NPLOC4: variants seen among roughly 807,000 people sequenced by gnomAD.
NPLOC4 encodes the protein NPL4 homolog, ubiquitin recognition factor, also known as nuclear protein localization protein 4 homolog.
NPLOC4 carries 18 observed loss-of-function variants against 80.6 expected under a neutral mutation model. That is an observed-to-expected ratio of 0.22 (90% confidence interval 0.15 to 0.33). The LOEUF (loss-of-function observed/expected upper bound fraction) is 0.33. Among genes scored for constraint, NPLOC4 ranks in the 10% least tolerant of loss-of-function variants. The pLI is 1.00. For missense variants in NPLOC4, 540 were observed against 786.1 expected (o/e 0.69, Z 3.74); for synonymous variants, 313 against 301.5 (o/e 1.04, Z -0.39).
intron 1 of NPLOC4, among the ~76,000 whole-genome samples, chr17:81,634,006 G>A (rs2036001222): frequency 6.6e-6 from 1 of 151,936 alleles, no homozygotes; most frequent in African/African-American, 2.4e-5. Context: ...TGGGACTACA[G>A]GTGCACGCCA....
At chr17:81,591,074 A>G (rs1374726048) in intron 11 of NPLOC4, among the ~76,000 whole-genome samples, 2 of 152,128 alleles carry the variant, frequency 1.3e-5, no homozygotes, top group African/African-American at 4.8e-5. Flanking sequence ...GCTCAGAGGG[A>G]GCAGAGGCAA....
intron 16 of NPLOC4, chr17:81,564,130 G>T (rs1409751511): frequency 8.6e-6 from 2 of 233,866 alleles, no homozygotes; most frequent in Admixed American, 7.0e-5. Flanking sequence ...AGAGCAGGGC[G>T]GGCTGAAAAA....
At chr17:81,631,846 C>A (rs547974275) in intron 1 of NPLOC4, among the ~76,000 whole-genome samples, 1 of 152,056 alleles carries the variant, frequency 6.6e-6, no homozygotes, top group African/African-American at 2.4e-5. Flanking sequence ...GTGGCCCAGG[C>A]TGGAGTACAA....
rs1419196604 is a variant in NPLOC4 at position 81,623,627 on chromosome 17, T to C, written c.97-1349A>G. 2.0e-5 allele frequency among the ~76,000 whole-genome samples: 3 copies of C among 150,806 alleles called. No individual in the cohort carries two copies. The East Asian group carries it at 5.9e-4, about 30-fold the overall frequency. ...TCCTGGCTAACACGGTGAAACCCCG[T>C]CTCTACTAAAAATACAAAAAATTAG... is the stretch of plus-strand genomic sequence containing the variant. On this transcript the variant is annotated intron_variant, in intron 2 of 16. Coordinates refer to ENST00000331134, the MANE Select transcript of NPLOC4 (RefSeq NM_017921.4).
In NPLOC4 at chr17:81,629,712, AG is replaced by A; in HGVS notation, c.96+12del. On this transcript the variant is annotated intron_variant, in intron 2 of 16. Transcript: ENST00000331134. ...AAAAATATCCTGAGGGTCAATACCC[AG>A]GCCACAGATACCTTTTTCAAAAATG... The A allele has an allele frequency of 6.3e-7, 1 of 1,596,870 alleles. No individual in the cohort carries two copies. The highest frequency in any genetic ancestry group is 8.6e-7 in the Non-Finnish European group (1 of 1,164,394).
chr17:81,612,273 T>A (rs576846081), intron 4 of NPLOC4, among the ~76,000 whole-genome samples: 6 of 152,152 alleles, frequency 3.9e-5, no homozygotes, highest in Non-Finnish European at 8.8e-5. Context: ...TACATGCGTA[T>A]GAGCCCTGTG....
chr17:81,568,132 T>TG (rs2034062895), intron 14 of NPLOC4: 1 of 137,560 alleles, frequency 7.3e-6, no homozygotes, highest in Non-Finnish European at 1.5e-5. Context: ...GACACAAACA[T>TG]GGAAATGCGC....
chr17:81,588,496 G>A (rs1170381377), intron 12 of NPLOC4, among the ~76,000 whole-genome samples: 2 of 152,120 alleles, frequency 1.3e-5, no homozygotes, highest in African/African-American at 2.4e-5. Context: ...TGAGTAGCTG[G>A]GACTACAGTT....
At chr17:81,633,855 G>A (rs146156256) in intron 1 of NPLOC4, among the ~76,000 whole-genome samples, 539 of 148,684 alleles carry the variant, frequency 3.6e-3, no homozygotes, top group African/African-American at 0.013. Flanking sequence ...ATAGGCGCCC[G>A]CCACCGCGCC....
intron 2 of NPLOC4, among the ~76,000 whole-genome samples, chr17:81,628,165 C>A (rs1248318651): frequency 6.7e-5 from 10 of 150,334 alleles, no homozygotes; most frequent in Non-Finnish European, 3.0e-5. Flanking sequence ...GAGCCAAGAT[C>A]ATGCCACTGC....
chr17:81,611,959 CAA>C (rs11401963), intron 4 of NPLOC4, among the ~76,000 whole-genome samples: 8,814 of 104,158 alleles, frequency 0.085, 348 homozygotes, highest in East Asian at 0.34. Context: ...GAGTCCATCT[CAA>C]AAAAAAAAAA....
Position 81,621,072 on chromosome 17 carries a change from T to G in NPLOC4, c.209+1094A>C, listed in dbSNP as rs151163905. On this transcript the variant is annotated intron_variant, in intron 3 of 16. Coordinates refer to ENST00000331134, the MANE Select transcript of NPLOC4 (RefSeq NM_017921.4). ...AAAAGAAAGGAAGGAAGGAAGGAAG[T>G]ATCAAGATGCAAAACCCTTCAAGAA... is the stretch of plus-strand genomic sequence containing the variant. 1.1e-4 allele frequency among the ~76,000 whole-genome samples: 14 copies of G among 131,536 alleles called. No individual in the cohort carries two copies. In the East Asian group the frequency reaches 2.0e-3, roughly 18 times the overall value. The allele number at this position is 131,536 out of a possible 152,430, so 86.3% of individuals were successfully genotyped here.
intron 10 of NPLOC4, 39 bp downstream of exon 10, chr17:81,597,206 A>G (rs1049525790): frequency 1.9e-6 from 3 of 1,543,856 alleles, no homozygotes; most frequent in Non-Finnish European, 2.7e-6. Context: ...TCTGTAACCA[A>G]GCCATAGGGC....
chr17:81,593,537 C>G (rs1157154042), intron 11 of NPLOC4, among the ~76,000 whole-genome samples: 3 of 152,046 alleles, frequency 2.0e-5, no homozygotes, highest in Non-Finnish European at 4.4e-5. Context: ...CCTACATTAA[C>G]TATGTTACCC....
At chr17:81,579,934 C>G (rs921038771) in intron 12 of NPLOC4, among the ~76,000 whole-genome samples, 3 of 152,152 alleles carry the variant, frequency 2.0e-5, no homozygotes, top group Admixed American at 2.0e-4. Flanking sequence ...TCTCGGCAGC[C>G]GCTTATCTAC....
chr17:81,561,326 C>T (rs1044291173), intron 16 of NPLOC4, among the ~76,000 whole-genome samples: 1 of 152,176 alleles, frequency 6.6e-6, no homozygotes, highest in Non-Finnish European at 1.5e-5. Flanking sequence ...TGATTAACAA[C>T]AGGCAGAGTT....
chr17:81,606,327 T>A (rs1337731301), intron 7 of NPLOC4, among the ~76,000 whole-genome samples: 2 of 152,148 alleles, frequency 1.3e-5, no homozygotes, highest in South Asian at 2.1e-4. Context: ...CTGAGCCACA[T>A]TCTCTCCTTA....
At chr17:81,595,739 T>G (rs2034892108) in intron 11 of NPLOC4, among the ~76,000 whole-genome samples, 1 of 151,764 alleles carries the variant, frequency 6.6e-6, no homozygotes. Flanking sequence ...AGATGGGGTT[T>G]CGCTATGTTG....
intron 1 of NPLOC4, 28 bp from the exon 2 acceptor site, chr17:81,629,833 T>C (rs758174114): frequency 1.3e-6 from 2 of 1,536,528 alleles, no homozygotes; most frequent in Non-Finnish European, 1.8e-6. Context: ...TGATGGTTAC[T>C]GCACAGCCTA....
Sources: gnomAD v4.1 joint callset for allele counts (sites outside exome capture counted in the v4.1 genomes callset) on GRCh38, gnomAD v4.1.1 for gene constraint, MANE v1.5 for transcripts, NCBI Gene and HGNC (gene_info 2026-07-23, HGNC 2026-07-21) for gene names.